The following LURAP1 variants were observed in gnomAD, a reference collection of about 807,000 sequenced individuals.
The protein encoded by LURAP1 is leucine rich adaptor protein 1.
A neutral mutation model predicts 19.0 loss-of-function variants in LURAP1; 14 were observed. The observed-to-expected ratio is 0.74, with a 90% CI of 0.49 to 1.15. LURAP1 has a LOEUF of 1.15. Among genes scored for constraint, LURAP1 ranks in the 50% most tolerant of loss-of-function variants. LURAP1 has a pLI of 0.00. For synonymous variants in LURAP1, 129 were observed against 131.8 expected, an observed-to-expected ratio of 0.98 and a Z score of 0.14; for missense variants, 273 against 309.1, an observed-to-expected ratio of 0.88 and a Z score of 0.87.
intron 1 of LURAP1, 55 bp downstream of exon 1, chr1:46,203,679 G>A: frequency 6.5e-7 from 1 of 1,531,386 alleles, no homozygotes. Flanking sequence ...GGGCCGGGAG[G>A]GACGAACTCA....
At chr1:46,214,407 G>A (rs1334580113) in intron 1 of LURAP1, among the ~76,000 whole-genome samples, 1 of 151,612 alleles carries the variant, frequency 6.6e-6, no homozygotes, top group African/African-American at 2.4e-5. Context: ...AATACAGAGA[G>A]ATACGAACTT....
At position 46,209,852 on chromosome 1, in the gene LURAP1, A is replaced by T. The variant is rs548268608; in HGVS notation, c.198+6228A>T. 1.3e-4 allele frequency among the ~76,000 whole-genome samples: 20 copies of T among 152,214 alleles called. 1 individual carries two copies. In the South Asian group the frequency reaches 4.1e-3, roughly 32 times the overall value. On this transcript the variant is annotated intron_variant, in intron 1 of 1. Coordinates refer to ENST00000371980, the MANE Select transcript of LURAP1 (RefSeq NM_001013615.3). The stretch of plus-strand genomic sequence containing the variant: ...GAAAGAGGAAGGAAGGGAGGGATGG[A>T]GGGAGGCAGAAAGGAAGGAAAGGAG...
At chr1:46,210,145 G>A (rs908881405) in intron 1 of LURAP1, among the ~76,000 whole-genome samples, 2 of 152,134 alleles carry the variant, frequency 1.3e-5, no homozygotes, top group African/African-American at 4.8e-5. Flanking sequence ...GCAAATCCAT[G>A]TACCCAATAG....
At position 46,220,232 on chromosome 1, in the gene LURAP1, C is replaced by A; in HGVS notation, c.*12C>A. The A allele has an allele frequency of 6.3e-7, 1 of 1,587,616 alleles. No individual in the cohort carries two copies. Among genetic ancestry groups the A allele is most frequent in the South Asian group, 1.1e-5 (1 of 87,726 alleles). On this transcript the variant is annotated 3_prime_UTR_variant, in exon 2 of 2. Coordinates refer to ENST00000371980, the MANE Select transcript of LURAP1 (RefSeq NM_001013615.3). ...TGACCTTCTTGTAACAACTATTCCA[C>A]CCTTTTGTAATCCTGTGGCTCTTTT...
chr1:46,214,298 A>G (rs751504243), intron 1 of LURAP1, among the ~76,000 whole-genome samples: 23 of 151,778 alleles, frequency 1.5e-4, no homozygotes, highest in Non-Finnish European at 2.8e-4. Flanking sequence ...GTGAGCCGAG[A>G]TCGTGCCACT....
At chr1:46,217,131 G>T (rs1240500924) in intron 1 of LURAP1, among the ~76,000 whole-genome samples, 1 of 152,142 alleles carries the variant, frequency 6.6e-6, no homozygotes. Context: ...AAGAAACGAG[G>T]GATCCAGCTA....
In LURAP1 at chr1:46,220,201, A is replaced by G. The variant is rs1659198428; in HGVS notation, c.701A>G (p.Asp234Gly). The G allele has an allele frequency of 6.2e-7, 1 of 1,610,192 alleles. No individual in the cohort carries two copies. Among genetic ancestry groups the G allele is most frequent in the Admixed American group, 1.7e-5 (1 of 59,658 alleles). The change falls in exon 2 of 2, where the codon GAT (aspartate) becomes GGT (glycine). Residue 234 changes from aspartate (D) to glycine (G), a missense_variant. Physicochemically the swap from Asp to Gly is moderately conservative, Grantham distance 94 (BLOSUM62 -1). Coordinates refer to ENST00000371980, the MANE Select transcript of LURAP1 (RefSeq NM_001013615.3). ...EAHWFWEQCQ[D>G]DVTFL ...CACTGGTTCTGGGAGCAGTGCCAGG[A>G]TGATGTGACCTTCTTGTAACAACTA... is the stretch of plus-strand genomic sequence containing the variant.
chr1:46,207,524 TTTTCTTTC>T (rs202035398), intron 1 of LURAP1, among the ~76,000 whole-genome samples: 23 of 151,846 alleles, frequency 1.5e-4, no homozygotes, highest in Non-Finnish European at 3.2e-4. Context: ...CACACTGAAC[TTTTCTTTC>T]TTTCTTTCTT....
At chr1:46,207,008 A>G (rs1235889259) in intron 1 of LURAP1, among the ~76,000 whole-genome samples, 1 of 152,110 alleles carries the variant, frequency 6.6e-6, no homozygotes, top group Non-Finnish European at 1.5e-5. Context: ...AGTCGATTTC[A>G]AATTGGAAGG....
At chr1:46,215,184 C>T (rs949376284) in intron 1 of LURAP1, among the ~76,000 whole-genome samples, 1 of 148,250 alleles carries the variant, frequency 6.7e-6, no homozygotes, top group African/African-American at 2.5e-5. Context: ...CAAGATCGCA[C>T]CATTGCACTC....
Position 46,203,552 on chromosome 1 carries a change from C to T in LURAP1, c.126C>T (p.Ala42=). The T allele has an allele frequency of 6.4e-7, 1 of 1,567,206 alleles. No homozygotes were observed. Among genetic ancestry groups the T allele is most frequent in the Non-Finnish European group, 8.6e-7 (1 of 1,160,218 alleles). Residue 42 remains alanine, a synonymous_variant, in exon 1 of 2, where the codon GCC becomes GCT. Coordinates refer to ENST00000371980, the MANE Select transcript of LURAP1 (RefSeq NM_001013615.3). ...RGECELGTSG[A]LLLPGASSTG... ...AGTGTGAGCTGGGAACCTCTGGCGC[C>T]CTGCTGCTCCCAGGGGCGTCTAGCA... is the stretch of plus-strand genomic sequence containing the variant.
intron 1 of LURAP1, among the ~76,000 whole-genome samples, chr1:46,212,444 C>T (rs374913373): frequency 2.3e-3 from 344 of 152,016 alleles, no homozygotes; most frequent in African/African-American, 7.6e-3. Flanking sequence ...CCACGCCCAG[C>T]GAATTTTTTT....
At chr1:46,209,820 A>G (rs569175427) in intron 1 of LURAP1, among the ~76,000 whole-genome samples, 1 of 152,126 alleles carries the variant, frequency 6.6e-6, no homozygotes, top group Admixed American at 6.5e-5. Context: ...TGTAGATGTA[A>G]ATTTTGGAAA....
chr1:46,203,653 A>G lies in LURAP1; in HGVS notation c.198+29A>G, dbSNP rs2148234034. The G allele has an allele frequency of 2.5e-6, 4 of 1,590,402 alleles. No homozygotes were observed. In the East Asian group the frequency reaches 9.3e-5, roughly 37 times the overall value. ...AGTGCTGAATCCATGGGCCAAGGGG[A>G]CGAGTCCCTAGTGTAGGGCCGGGAG... On this transcript the variant is annotated intron_variant, in intron 1 of 1. Coordinates refer to ENST00000371980, the MANE Select transcript of LURAP1 (RefSeq NM_001013615.3).
At position 46,208,142 on chromosome 1, in the gene LURAP1, G is replaced by A. The variant is rs375570204; in HGVS notation, c.198+4518G>A. On this transcript the variant is annotated intron_variant, in intron 1 of 1. Coordinates refer to ENST00000371980, the MANE Select transcript of LURAP1 (RefSeq NM_001013615.3). ...CCCAAAGTGCTGGGATTACAGGTGT[G>A]AGCCACCCCACCAGCCTTATTTATT... Among the ~76,000 whole-genome samples, 90 of 152,200 alleles carry A rather than the reference G, an allele frequency of 5.9e-4. 2 individuals are homozygous for A. In the South Asian group the frequency reaches 0.018, roughly 31 times the overall value.
intron 1 of LURAP1, among the ~76,000 whole-genome samples, chr1:46,204,085 G>C (rs1658636813): frequency 6.6e-6 from 1 of 152,284 alleles, no homozygotes; most frequent in East Asian, 1.9e-4. Context: ...GTGGGTAAAG[G>C]GGCCTATCTG....
chr1:46,210,654 T>C (rs1324980830), intron 1 of LURAP1, among the ~76,000 whole-genome samples: 1 of 152,122 alleles, frequency 6.6e-6, no homozygotes, highest in African/African-American at 2.4e-5. Flanking sequence ...ACAAAGGATA[T>C]AGATGAAGAG....
intron 1 of LURAP1, among the ~76,000 whole-genome samples, chr1:46,214,848 C>T (rs1225242983): frequency 2.4e-5 from 2 of 84,906 alleles, no homozygotes; most frequent in Non-Finnish European, 4.2e-5. Context: ...GCCTGGGGGA[C>T]AAGAGTGAGA....
intron 1 of LURAP1, among the ~76,000 whole-genome samples, chr1:46,206,159 T>G (rs192702846): frequency 2.6e-5 from 4 of 152,308 alleles, no homozygotes; most frequent in Non-Finnish European, 5.9e-5. Context: ...AGAAAAAGCT[T>G]TAGGCAAGGA....
Sources: allele counts gnomAD v4.1 joint callset (sites outside exome capture counted in the v4.1 genomes callset), GRCh38; gene constraint gnomAD v4.1.1; transcripts MANE v1.5; gene names NCBI Gene and HGNC (gene_info 2026-07-23, HGNC 2026-07-21).